SLIT1: variants seen among roughly 807,000 people sequenced by gnomAD.
SLIT1 encodes the protein slit guidance ligand 1.
Under a neutral mutation model 186.1 loss-of-function variants are expected in SLIT1, and 66 were observed. The observed-to-expected ratio is 0.35, with a 90% CI of 0.29 to 0.44. SLIT1 has a LOEUF of 0.44. SLIT1 is among the 20% of genes least tolerant of loss of function. The probability of loss-of-function intolerance (pLI) is 1.00; values close to 1 mark genes in which losing one functional copy is unlikely to be tolerated. For missense variants in SLIT1, 1,638 were observed against 2,037.4 expected (o/e 0.80, Z 3.77); for synonymous variants, 761 against 833.8 (o/e 0.91, Z 1.50).
intron 4 of SLIT1, among the ~76,000 whole-genome samples, chr10:97,149,542 G>C (rs1010322198): frequency 5.9e-5 from 9 of 152,094 alleles, no homozygotes; most frequent in African/African-American, 2.2e-4. Flanking sequence ...GGGGAGCAAG[G>C]CTTCTCAAGC....
chr10:97,155,259 C>T (rs1175414228), intron 4 of SLIT1: 1 of 152,398 alleles, frequency 6.6e-6, no homozygotes, highest in Non-Finnish European at 1.5e-5. Flanking sequence ...CCAGGACCAC[C>T]TGACCCTTGA....
At chr10:97,173,766 G>A (rs140349625) in intron 1 of SLIT1, among the ~76,000 whole-genome samples, 6 of 152,280 alleles carry the variant, frequency 3.9e-5, no homozygotes, top group Non-Finnish European at 7.4e-5. Flanking sequence ...GACTTGGCAG[G>A]TATCGGAGGA....
intron 34 of SLIT1, among the ~76,000 whole-genome samples, chr10:97,003,707 A>G (rs1848332640): frequency 6.6e-6 from 1 of 152,190 alleles, no homozygotes; most frequent in African/African-American, 2.4e-5. Context: ...AGTCTCTTGC[A>G]GTGGTTCTGG....
At chr10:97,046,854 C>A in intron 17 of SLIT1, 57 bp from the exon 18 acceptor site, 1 of 1,594,650 alleles carries the variant, frequency 6.3e-7, no homozygotes, top group Non-Finnish European at 8.5e-7. Context: ...AGCTCAGGCC[C>A]CTCCCTTCCT....
rs752014103 is a variant in SLIT1, at chr10:97,037,649, T to C, written c.2366+49A>G. ...AATTCCAGGAAAGCCGGAGTCCTGA[T>C]GGTTAGATGCCAAAGGCCCTCCTGT... On this transcript the variant is annotated intron_variant, in intron 22 of 36. Coordinates refer to ENST00000266058, the MANE Select transcript of SLIT1 (RefSeq NM_003061.3). The C allele has an allele frequency of 4.0e-5, 58 of 1,441,280 alleles. 1 individual carries two copies. The South Asian group carries it at 6.3e-4, about 16-fold the overall frequency. The allele number at this position is 1,441,280 out of a possible 1,614,324, so 89.3% of individuals were successfully genotyped here.
chr10:97,089,947 G>T (rs1305940187), intron 4 of SLIT1, among the ~76,000 whole-genome samples: 2 of 152,150 alleles, frequency 1.3e-5, no homozygotes, highest in African/African-American at 2.4e-5. Flanking sequence ...TATAAAATGG[G>T]AATAACAAAT....
At chr10:97,167,255 G>C (rs1224696302) in intron 1 of SLIT1, among the ~76,000 whole-genome samples, 1 of 152,136 alleles carries the variant, frequency 6.6e-6, no homozygotes, top group African/African-American at 2.4e-5. Flanking sequence ...GCCACTCTGA[G>C]CCTCACTGTG....
intron 16 of SLIT1, 112 bp from the exon 17 acceptor site, chr10:97,047,177 C>G: frequency 1.4e-6 from 1 of 711,258 alleles, no homozygotes; most frequent in Non-Finnish European, 2.4e-6. Flanking sequence ...AAGAATTTAT[C>G]TGGCAAAGCA....
intron 4 of SLIT1, chr10:97,154,992 G>C (rs2636810): frequency 0.84 from 127,666 of 152,192 alleles, 53,642 homozygotes; most frequent in African/African-American, 0.88. Context: ...GGCAGTAACA[G>C]TGGGAGACAT....
intron 4 of SLIT1, among the ~76,000 whole-genome samples, chr10:97,098,941 A>G (rs1384306085): frequency 6.6e-6 from 1 of 152,140 alleles, no homozygotes; most frequent in Non-Finnish European, 1.5e-5. Context: ...CAGGACACTC[A>G]GCCCCTCCTG....
chr10:97,040,327 A>C (rs1393209031), intron 20 of SLIT1, among the ~76,000 whole-genome samples: 2 of 152,188 alleles, frequency 1.3e-5, no homozygotes, highest in African/African-American at 4.8e-5. Flanking sequence ...TGAGGTTAAA[A>C]TAGGTCTTGA....
At chr10:97,035,164 T>TGTCTTTGGC (rs368295408) in intron 22 of SLIT1, among the ~76,000 whole-genome samples, 15 of 152,098 alleles carry the variant, frequency 9.9e-5, no homozygotes, top group African/African-American at 3.6e-4. Context: ...TTTCCTCCGC[T>TGTCTTTGGC]CCCGACTGTC....
chr10:97,125,532 T>A lies in SLIT1; in HGVS notation c.413+32286A>T, dbSNP rs1377258720. Among the ~76,000 whole-genome samples, 249 of 34,284 alleles carry A rather than the reference T, an allele frequency of 7.3e-3. 2 individuals are homozygous for A. Among genetic ancestry groups the A allele is most frequent in the African/African-American group, 0.013 (212 of 16,196 alleles). The allele number at this position is 34,284 out of a possible 152,430, so 22.5% of individuals were successfully genotyped here. A position where few individuals can be genotyped will look rare whatever the true frequency, so the allele number is the denominator to read the frequency against. On this transcript the variant is annotated intron_variant, in intron 4 of 36. Coordinates refer to ENST00000266058, the MANE Select transcript of SLIT1 (RefSeq NM_003061.3). ...CTGGGTGACAAAGCGAGACCCTGTG[T>A]CAAAAAAAAAAAAAAAAAAAAGTAG...
chr10:97,088,341 T>C (rs959730576), intron 4 of SLIT1, among the ~76,000 whole-genome samples: 6 of 152,178 alleles, frequency 3.9e-5, no homozygotes, highest in African/African-American at 1.2e-4. Context: ...GTATTTCCAA[T>C]GCCCCAGGAT....
chr10:97,063,846 G>T (rs1002109710), intron 7 of SLIT1, among the ~76,000 whole-genome samples: 1 of 152,120 alleles, frequency 6.6e-6, no homozygotes, highest in African/African-American at 2.4e-5. Flanking sequence ...CAGCTGGACC[G>T]GAATGTACCC....
chr10:97,153,183 C>T (rs556134226), intron 4 of SLIT1: 1 of 152,184 alleles, frequency 6.6e-6, no homozygotes, highest in Non-Finnish European at 1.5e-5. Flanking sequence ...TCAAGCTGCT[C>T]TGTGGTCCAA....
intron 4 of SLIT1, among the ~76,000 whole-genome samples, chr10:97,130,822 G>A (rs1386067859): frequency 4.6e-5 from 7 of 152,158 alleles, no homozygotes; most frequent in African/African-American, 9.7e-5. Flanking sequence ...CACCAGCACC[G>A]CTATTGTTTT....
intron 4 of SLIT1, among the ~76,000 whole-genome samples, chr10:97,078,502 G>A (rs367573733): frequency 2.9e-4 from 44 of 152,324 alleles, no homozygotes; most frequent in African/African-American, 1.0e-3. Context: ...TACTGAGCAT[G>A]CGTTCCCCCA....
At chr10:97,112,678 T>C (rs1395703888) in intron 4 of SLIT1, among the ~76,000 whole-genome samples, 1 of 152,182 alleles carries the variant, frequency 6.6e-6, no homozygotes, top group African/African-American at 2.4e-5. Context: ...CCAAAGCCCA[T>C]GATTTGTTAT....
Sources: allele counts gnomAD v4.1 joint callset (sites outside exome capture counted in the v4.1 genomes callset), GRCh38; gene constraint gnomAD v4.1.1; transcripts MANE v1.5; gene names NCBI Gene and HGNC (gene_info 2026-07-23, HGNC 2026-07-21).